The following MACROD2 variants were observed in gnomAD, a reference collection of about 807,000 sequenced individuals.
MACROD2 encodes mono-ADP ribosylhydrolase 2, also known as ADP-ribose glycohydrolase MACROD2.
In MACROD2, 36 loss-of-function variants were observed where a neutral mutation model predicts 70.4. That is an observed-to-expected ratio of 0.51 (90% CI 0.39 to 0.68). The LOEUF (loss-of-function observed/expected upper bound fraction) is 0.68, where lower values mean the gene tolerates loss of function less well. Among genes scored for constraint, MACROD2 ranks in the 30% least tolerant of loss-of-function variants. MACROD2 has a pLI of 0.00. For synonymous variants in MACROD2, 172 were observed against 178.8 expected, an observed-to-expected ratio of 0.96 and a Z score of 0.30; for missense variants, 496 against 538.4, an observed-to-expected ratio of 0.92 and a Z score of 0.78.
intron 5 of MACROD2, among the ~76,000 whole-genome samples, chr20:15,032,065 C>T (rs978443148): frequency 6.6e-6 from 1 of 152,194 alleles, no homozygotes; most frequent in African/African-American, 2.4e-5. Context: ...CAAGGGTGCA[C>T]ACACGCGGCC....
chr20:14,315,356 A>G (rs1484813424), intron 3 of MACROD2, among the ~76,000 whole-genome samples: 1 of 152,220 alleles, frequency 6.6e-6, no homozygotes, highest in South Asian at 2.1e-4. Flanking sequence ...GCTTTCACCA[A>G]GATTGTCTCA....
chr20:15,554,306 G>A (rs1013699852), intron 8 of MACROD2, among the ~76,000 whole-genome samples: 13 of 152,212 alleles, frequency 8.5e-5, no homozygotes, highest in Admixed American at 3.3e-4. Flanking sequence ...AGTGCTTAAA[G>A]AAGGAAGGCA....
At chr20:15,878,580 G>A (rs571923846) in intron 9 of MACROD2, among the ~76,000 whole-genome samples, 1 of 152,138 alleles carries the variant, frequency 6.6e-6, no homozygotes, top group South Asian at 2.1e-4. Flanking sequence ...CCAAAAGACT[G>A]TATTAATTAT....
chr20:15,772,304 G>A (rs2051649376), intron 8 of MACROD2, among the ~76,000 whole-genome samples: 1 of 151,492 alleles, frequency 6.6e-6, no homozygotes, highest in East Asian at 1.9e-4. Context: ...GCACTTTCAA[G>A]TACATACATT....
At chr20:14,246,256 T>C (rs1458789053) in intron 3 of MACROD2, among the ~76,000 whole-genome samples, 6 of 152,228 alleles carry the variant, frequency 3.9e-5, no homozygotes, top group Admixed American at 1.3e-4. Flanking sequence ...CAGGCAGGCA[T>C]GGATTTGCTC....
chr20:14,946,046 A>G (rs1442570805), intron 5 of MACROD2, among the ~76,000 whole-genome samples: 1 of 152,166 alleles, frequency 6.6e-6, no homozygotes, highest in African/African-American at 2.4e-5. Flanking sequence ...TGTCTCTACT[A>G]AAATTAGCCG....
At position 15,648,285 on chromosome 20, in the gene MACROD2, G is replaced by A. The variant is rs959647505; in HGVS notation, c.645+148438G>A. Among the ~76,000 whole-genome samples, 7 of 152,304 alleles carry A rather than the reference G, an allele frequency of 4.6e-5. No homozygotes were observed. The East Asian group carries it at 1.2e-3, about 25-fold the overall frequency. ...ATAGATTGGCCATGATATTTAAGAA[G>A]CATCATCTCACTCTACATGAGCTCC... On this transcript the variant is annotated intron_variant, in intron 8 of 17. Transcript: ENST00000684519.
intron 5 of MACROD2, among the ~76,000 whole-genome samples, chr20:14,713,588 T>A (rs1285979894): frequency 5.9e-5 from 9 of 152,128 alleles, no homozygotes; most frequent in Non-Finnish European, 1.0e-4. Context: ...TGGGCCAAGG[T>A]AAAGCATATC....
At chr20:15,427,756 G>A (rs993742103) in intron 6 of MACROD2, among the ~76,000 whole-genome samples, 6 of 152,188 alleles carry the variant, frequency 3.9e-5, no homozygotes, top group African/African-American at 1.4e-4. Context: ...TCTGGGTGAG[G>A]TGGCTTTTTA....
chr20:14,421,663 A>G (rs1600222394), intron 3 of MACROD2, among the ~76,000 whole-genome samples: 1 of 152,088 alleles, frequency 6.6e-6, no homozygotes, highest in Non-Finnish European at 1.5e-5. Context: ...TATTTGATCT[A>G]CTGGTTAAGA....
chr20:15,981,751 CTA>C (rs1302107314), intron 13 of MACROD2, among the ~76,000 whole-genome samples: 1 of 152,114 alleles, frequency 6.6e-6, no homozygotes, highest in African/African-American at 2.4e-5. Context: ...TAGTCTTTTT[CTA>C]TCAATGCCTA....
chr20:14,983,616 G>C (rs536583253), intron 5 of MACROD2, among the ~76,000 whole-genome samples: 1 of 152,094 alleles, frequency 6.6e-6, no homozygotes, highest in Non-Finnish European at 1.5e-5. Flanking sequence ...GTCTGTCACC[G>C]TGTGAGATGT....
intron 6 of MACROD2, among the ~76,000 whole-genome samples, chr20:15,397,026 A>G (rs2045868795): frequency 6.6e-6 from 1 of 152,174 alleles, no homozygotes; most frequent in African/African-American, 2.4e-5. Flanking sequence ...GCTCTAACAA[A>G]ACGTAGTTAA....
chr20:15,290,476 A>G (rs1180407335), intron 6 of MACROD2, among the ~76,000 whole-genome samples: 1 of 152,092 alleles, frequency 6.6e-6, no homozygotes, highest in Non-Finnish European at 1.5e-5. Flanking sequence ...ATTCATTGGG[A>G]TTTCCTAAGA....
At chr20:14,674,250 A>T (rs919277252) in intron 4 of MACROD2, among the ~76,000 whole-genome samples, 1 of 152,158 alleles carries the variant, frequency 6.6e-6, no homozygotes, top group African/African-American at 2.4e-5. Flanking sequence ...AGGGATTTAT[A>T]ACAGACTTTA....
chr20:15,570,119 T>C (rs1355651575), intron 8 of MACROD2, among the ~76,000 whole-genome samples: 1 of 152,200 alleles, frequency 6.6e-6, no homozygotes, highest in Non-Finnish European at 1.5e-5. Flanking sequence ...ATTCCTATTG[T>C]TTTCCGTAAT....
At chr20:15,785,848 T>G (rs1054040274) in intron 8 of MACROD2, among the ~76,000 whole-genome samples, 1 of 151,704 alleles carries the variant, frequency 6.6e-6, no homozygotes, top group African/African-American at 2.4e-5. Flanking sequence ...GTTGAAAAAA[T>G]AAGAGAAATT....
At chr20:15,457,055 C>CTT (rs67567968) in intron 7 of MACROD2, among the ~76,000 whole-genome samples, 1 of 132,190 alleles carries the variant, frequency 7.6e-6, no homozygotes, top group African/African-American at 2.9e-5. Flanking sequence ...TTCCTTTCTT[C>CTT]TTTTTTTTTT....
chr20:15,480,981 AT>A (rs1482452541), intron 7 of MACROD2, among the ~76,000 whole-genome samples: 55 of 152,260 alleles, frequency 3.6e-4, no homozygotes, highest in African/African-American at 1.3e-3. Context: ...CCTTTATCAA[AT>A]TTCTGCATTT....
Sources: allele counts gnomAD v4.1 joint callset (sites outside exome capture counted in the v4.1 genomes callset), GRCh38; gene constraint gnomAD v4.1.1; transcripts MANE v1.5; gene names NCBI Gene and HGNC (gene_info 2026-07-23, HGNC 2026-07-21).